VPS45: variants seen among roughly 807,000 people sequenced by gnomAD.
The protein encoded by VPS45 is vacuolar protein sorting-associated protein 45.
Under a neutral mutation model 75.9 loss-of-function variants are expected in VPS45, and 35 were observed. The ratio of observed to expected loss-of-function variants is 0.46; its 90% CI spans 0.35 to 0.61. The LOEUF (loss-of-function observed/expected upper bound fraction) is 0.61. Ranked by LOEUF, VPS45 falls within the 20% of genes least tolerant of loss-of-function variation. VPS45 has a pLI of 0.00. For missense variants in VPS45, 559 were observed against 685.9 expected (o/e 0.81, Z 2.07); for synonymous variants, 220 against 238.2 (o/e 0.92, Z 0.70).
chr1:150,072,594 T>A (rs1553797293), intron 3 of VPS45, among the ~76,000 whole-genome samples: 1 of 149,170 alleles, frequency 6.7e-6, no homozygotes, highest in Admixed American at 6.8e-5. Flanking sequence ...GAGGCGGAGA[T>A]TGCAGTGAGC....
chr1:150,110,448 C>CTT, intron 13 of VPS45, 48 bp from the exon 14 acceptor site: 1 of 1,509,238 alleles, frequency 6.6e-7, no homozygotes, highest in South Asian at 1.3e-5. Context: ...AGTCACAGTC[C>CTT]TTTTTTTTTC....
At chr1:150,129,688 T>A (rs1658716163) in intron 14 of VPS45, among the ~76,000 whole-genome samples, 1 of 151,124 alleles carries the variant, frequency 6.6e-6, no homozygotes, top group Non-Finnish European at 1.5e-5. Flanking sequence ...GCCTCCCGAG[T>A]AGCTGGGACT....
intron 14 of VPS45, among the ~76,000 whole-genome samples, 188 bp from the exon 15 acceptor site, chr1:150,144,521 G>A (rs781901498): frequency 2.6e-5 from 4 of 151,152 alleles, no homozygotes; most frequent in Non-Finnish European, 2.9e-5. Context: ...AGCACAGAAG[G>A]ACTGTCCTTG....
intron 14 of VPS45, among the ~76,000 whole-genome samples, chr1:150,119,557 G>A (rs868967609): frequency 5.3e-5 from 8 of 152,134 alleles, no homozygotes; most frequent in East Asian, 1.9e-4. Flanking sequence ...AATGGTATAC[G>A]TTTAGATTTG....
At chr1:150,093,343 A>C (rs1272110158) in intron 12 of VPS45, among the ~76,000 whole-genome samples, 184 bp from the exon 13 acceptor site, 1 of 152,216 alleles carries the variant, frequency 6.6e-6, no homozygotes, top group African/African-American at 2.4e-5. Context: ...TAAATTACAG[A>C]GTAATTTTTA....
chr1:150,123,144 T>C (rs919507444), intron 14 of VPS45, among the ~76,000 whole-genome samples: 2 of 152,342 alleles, frequency 1.3e-5, no homozygotes, highest in East Asian at 3.9e-4. Flanking sequence ...GACTGGCTTC[T>C]TTCACTTAGC....
rs587720891 is a variant in VPS45, at chr1:150,096,111, G to A, written c.1493+2463G>A. On this transcript the variant is annotated intron_variant, in intron 13 of 14. Transcript: ENST00000644510. ...TCAAGAATAACTCTCAGGCTTTGAG[G>A]AGAAACAGAGTTTTGTTGTTCAGTT... is the stretch of plus-strand genomic sequence containing the variant. Among the ~76,000 whole-genome samples the A allele has an allele frequency of 6.6e-5, 10 of 152,260 alleles. No individual in the cohort carries two copies. The East Asian group carries it at 1.9e-3, about 29-fold the overall frequency.
At chr1:150,093,725 A>G (rs1448376696) in intron 13 of VPS45, 77 bp downstream of exon 13, 2 of 1,525,472 alleles carry the variant, frequency 1.3e-6, no homozygotes, top group East Asian at 2.3e-5. Flanking sequence ...GTTAAGGACT[A>G]AAGCTGAGGT....
intron 14 of VPS45, among the ~76,000 whole-genome samples, 165 bp from the exon 15 acceptor site, chr1:150,144,544 T>A (rs1231492551): frequency 6.6e-6 from 1 of 152,162 alleles, no homozygotes; most frequent in African/African-American, 2.4e-5. Context: ...GTATGGATGT[T>A]GTAGTGCTCA....
Position 150,110,303 on chromosome 1 carries a change from A to C in VPS45, c.1494-193A>C, listed in dbSNP as rs1259012826. On this transcript the variant is annotated intron_variant, in intron 13 of 14. Coordinates refer to ENST00000644510, the MANE Select transcript of VPS45 (RefSeq NM_007259.5). ...GCTCATAAACAGAAAGCAAATCACT[A>C]TTCAGCATTTCCTGCTCTGTTTCCT... 7.8e-6 allele frequency: 4 copies of C among 510,418 alleles called. No individual in the cohort carries two copies. In the South Asian group the frequency reaches 1.3e-4, roughly 17 times the overall value. 31.6% of individuals were successfully genotyped at this position (510,418 alleles called of 1,614,324 possible).
At chr1:150,112,787 C>G (rs1311918853) in intron 14 of VPS45, among the ~76,000 whole-genome samples, 1 of 152,148 alleles carries the variant, frequency 6.6e-6, no homozygotes, top group Non-Finnish European at 1.5e-5. Flanking sequence ...TTCCCATGAC[C>G]CCTTCCTCAG....
chr1:150,067,932 T>C lies in VPS45; in HGVS notation c.75T>C (p.Leu25=), dbSNP rs781962695. 1 of 1,614,208 alleles carries C rather than the reference T, an allele frequency of 6.2e-7. No homozygotes were observed. Among genetic ancestry groups the C allele is most frequent in the Admixed American group, 1.7e-5 (1 of 60,028 alleles). The change falls in exon 1 of 15, where the codon CTT becomes CTC. Residue 25 remains leucine (L), a synonymous_variant. Coordinates refer to ENST00000644510, the MANE Select transcript of VPS45 (RefSeq NM_007259.5). ...ACAGCGGGCCTGGTATGAAAGTACT[T>C]CTCATGGATAAAGAGACGGTGAGTT... ...IEDSGPGMKV[L]LMDKETTGIV...
intron 14 of VPS45, among the ~76,000 whole-genome samples, chr1:150,131,115 A>G (rs1343023047): frequency 6.6e-6 from 1 of 152,192 alleles, no homozygotes; most frequent in African/African-American, 2.4e-5. Context: ...CCGGCCAGAA[A>G]AATTTTATTA....
At chr1:150,141,494 C>T (rs1659389560) in intron 14 of VPS45, among the ~76,000 whole-genome samples, 1 of 152,142 alleles carries the variant, frequency 6.6e-6, no homozygotes, top group Non-Finnish European at 1.5e-5. Context: ...TATTTTTAAT[C>T]CTATAAACAT....
At chr1:150,123,521 A>G (rs1553810085) in intron 14 of VPS45, among the ~76,000 whole-genome samples, 1 of 152,244 alleles carries the variant, frequency 6.6e-6, no homozygotes, top group Non-Finnish European at 1.5e-5. Context: ...ATTCACCTGC[A>G]ATAAACTGAG....
chr1:150,126,665 TA>T (rs1202869499), intron 14 of VPS45, among the ~76,000 whole-genome samples: 1 of 152,034 alleles, frequency 6.6e-6, no homozygotes, highest in African/African-American at 2.4e-5. Flanking sequence ...TATAGCTCAA[TA>T]AAAAAAATTT....
At chr1:150,070,018 A>T (rs782589657) in intron 2 of VPS45, among the ~76,000 whole-genome samples, 1 of 152,044 alleles carries the variant, frequency 6.6e-6, no homozygotes, top group Non-Finnish European at 1.5e-5. Flanking sequence ...CCCTATGTAT[A>T]TCAATCCGCT....
chr1:150,076,943 A>G lies in VPS45; in HGVS notation c.397A>G (p.Asn133Asp). ...ATTTTATGGTGATTACATTGCTGTG[A>G]ACCCACATTTGTTTTCCCTCAATAT... ...QEFYGDYIAV[N>D]PHLFSLNILG... Residue 133 changes from asparagine to aspartate, a missense_variant, in exon 5 of 15, where the codon AAC (asparagine) becomes GAC (aspartate). Physicochemically the swap from Asn to Asp is conservative, Grantham distance 23. Transcript: ENST00000644510. 6.2e-7 allele frequency: 1 copy of G among 1,614,130 alleles called. No individual in the cohort carries two copies. Among genetic ancestry groups the G allele is most frequent in the Non-Finnish European group, 8.5e-7 (1 of 1,180,016 alleles).
intron 7 of VPS45, among the ~76,000 whole-genome samples, chr1:150,078,904 G>C (rs1246346244): frequency 6.6e-6 from 1 of 152,062 alleles, no homozygotes; most frequent in Non-Finnish European, 1.5e-5. Flanking sequence ...GAGGTCCTGA[G>C]TTTGAGACCA....
Sources: allele counts gnomAD v4.1 joint callset (sites outside exome capture counted in the v4.1 genomes callset), GRCh38; gene constraint gnomAD v4.1.1; transcripts MANE v1.5; gene names NCBI Gene and HGNC (gene_info 2026-07-23, HGNC 2026-07-21).